Variants in DLG2 observed in about 807,000 individuals in gnomAD.
DLG2 encodes the protein disks large homolog 2.
Under a neutral mutation model 132.5 loss-of-function variants are expected in DLG2, and 45 were observed. The ratio of observed to expected loss-of-function variants is 0.34; its 90% confidence interval spans 0.27 to 0.44. The LOEUF is 0.44. Among genes scored for constraint, DLG2 ranks in the 20% least tolerant of loss-of-function variants. The pLI is 1.00. For missense variants in DLG2, 1,045 were observed against 1,196.9 expected, an observed-to-expected ratio of 0.87 and a Z score of 1.87; for synonymous variants, 424 against 419.6, an observed-to-expected ratio of 1.01 and a Z score of -0.13.
At chr11:83,659,775 TC>T (rs1379543621) in intron 18 of DLG2, among the ~76,000 whole-genome samples, 11 of 152,356 alleles carry the variant, frequency 7.2e-5, no homozygotes, top group African/African-American at 2.6e-4. Context: ...CTTCCTGAAT[TC>T]CCATTTGCAT....
chr11:84,588,621 C>T lies in DLG2; in HGVS notation c.358-53890G>A, dbSNP rs559873573. 3.6e-4 allele frequency among the ~76,000 whole-genome samples: 54 copies of T among 152,090 alleles called. 3 individuals are homozygous for T. The South Asian group carries it at 0.011, about 31-fold the overall frequency. On this transcript the variant is annotated intron_variant, in intron 6 of 27. Transcript: ENST00000376104. ...GCTAAAATGAGGCTAAGACCTGCTG[C>T]GCTGCATTCCCAGTAAGTTAAAGCA...
chr11:83,794,446 T>A (rs1241220582), intron 17 of DLG2, among the ~76,000 whole-genome samples: 1 of 150,436 alleles, frequency 6.6e-6, no homozygotes, highest in East Asian at 2.0e-4. Flanking sequence ...GGTTTTTTTT[T>A]TTTTTTTTTT....
At chr11:85,098,988 C>T (rs2070395865) in intron 6 of DLG2, among the ~76,000 whole-genome samples, 1 of 152,168 alleles carries the variant, frequency 6.6e-6, no homozygotes, top group African/African-American at 2.4e-5. Context: ...GTACATTAAT[C>T]TAGGCTTATA....
intron 4 of DLG2, among the ~76,000 whole-genome samples, chr11:85,237,944 A>T (rs952965473): frequency 6.6e-6 from 1 of 152,072 alleles, no homozygotes; most frequent in Non-Finnish European, 1.5e-5. Flanking sequence ...TGATTTATGC[A>T]TTTGTACAAA....
chr11:85,377,916 C>T (rs1390113712), intron 3 of DLG2, among the ~76,000 whole-genome samples: 2 of 151,078 alleles, frequency 1.3e-5, no homozygotes, highest in Non-Finnish European at 3.0e-5. Context: ...TATATATACA[C>T]ATATTTCAAT....
chr11:85,123,643 G>C (rs2074709986), intron 5 of DLG2, among the ~76,000 whole-genome samples: 1 of 152,114 alleles, frequency 6.6e-6, no homozygotes, highest in Non-Finnish European at 1.5e-5. Flanking sequence ...GGAACTTTCG[G>C]CTTAAATTTA....
At chr11:83,884,778 T>C (rs1442476134) in intron 15 of DLG2, among the ~76,000 whole-genome samples, 1 of 152,162 alleles carries the variant, frequency 6.6e-6, no homozygotes, top group East Asian at 1.9e-4. Flanking sequence ...ACATCAGCAT[T>C]CGCGGTTCAC....
Position 83,811,626 on chromosome 11 carries a change from T to A in DLG2, c.1722+21988A>T, listed in dbSNP as rs531729126. ...ATAATGTTAAAATAAATCTTCCTGG[T>A]TCTTTTTCCCAAAATAGTTTTAGGA... is the stretch of plus-strand genomic sequence containing the variant. On this transcript the variant is annotated intron_variant, in intron 17 of 27. Transcript: ENST00000376104. Among the ~76,000 whole-genome samples the A allele has an allele frequency of 5.9e-5, 9 of 152,276 alleles. No individual in the cohort carries two copies. In the South Asian group the frequency reaches 1.7e-3, roughly 28 times the overall value.
At chr11:85,215,685 C>G (rs2082542022) in intron 4 of DLG2, among the ~76,000 whole-genome samples, 1 of 152,152 alleles carries the variant, frequency 6.6e-6, no homozygotes, top group Non-Finnish European at 1.5e-5. Context: ...TTTGCTACCC[C>G]TAAAAGCCTA....
At chr11:85,012,396 T>C (rs180699520) in intron 6 of DLG2, among the ~76,000 whole-genome samples, 1,559 of 149,804 alleles carry the variant, frequency 0.01, 17 homozygotes, top group Middle Eastern at 0.024. Context: ...TGGTGGTACA[T>C]GCCTGTAGTC....
In DLG2 at chr11:83,786,695, G is replaced by A. The variant is rs2040028914; in HGVS notation, c.1820C>T (p.Pro607Leu). ...TAGTTTGAGTTCTGACTGACCTTCAGGTTGATATTGTGCTATAATCGTCAC... is the reference window on the plus strand; with the variant it reads ...TAGTTTGAGTTCTGACTGACCTTCAAGTTGATATTGTGCTATAATCGTCAC... ...QTVTIIAQYQPEDYARFEAKI... is the reference protein window; with the variant it reads ...QTVTIIAQYQLEDYARFEAKI... The change falls in exon 18 of 28, where the codon CCT becomes CTT. Residue 607 changes from proline (P) to leucine (L), a missense_variant. By Grantham distance (98) the Pro-to-Leu change is moderately conservative. Coordinates refer to ENST00000376104, the MANE Select transcript of DLG2 (RefSeq NM_001142699.3). 1 of 1,613,642 alleles carries A rather than the reference G, an allele frequency of 6.2e-7. No individual in the cohort carries two copies. Among genetic ancestry groups the A allele is most frequent in the Non-Finnish European group, 8.5e-7 (1 of 1,179,632 alleles).
chr11:84,277,164 A>G (rs373612386), intron 7 of DLG2, among the ~76,000 whole-genome samples: 2 of 152,224 alleles, frequency 1.3e-5, no homozygotes, highest in African/African-American at 4.8e-5. Context: ...TAAATAATTA[A>G]TAGAACAAAT....
At chr11:84,821,014 A>G (rs891028833) in intron 6 of DLG2, among the ~76,000 whole-genome samples, 5 of 151,944 alleles carry the variant, frequency 3.3e-5, no homozygotes, top group Non-Finnish European at 5.9e-5. Context: ...TAAATGCAGT[A>G]GATTATAATA....
intron 3 of DLG2, among the ~76,000 whole-genome samples, chr11:85,426,569 G>C (rs961940744): frequency 3.3e-5 from 5 of 150,350 alleles, no homozygotes; most frequent in Admixed American, 2.0e-4. Flanking sequence ...TGAGGGTCCT[G>C]ATTGTTAGAA....
intron 4 of DLG2, among the ~76,000 whole-genome samples, chr11:85,161,642 C>T (rs2078037921): frequency 6.6e-6 from 1 of 152,222 alleles, no homozygotes; most frequent in Non-Finnish European, 1.5e-5. Flanking sequence ...AGCATTGCCT[C>T]TGACCAAGGC....
intron 6 of DLG2, among the ~76,000 whole-genome samples, chr11:84,595,125 T>G (rs1050844407): frequency 2.6e-5 from 4 of 152,086 alleles, no homozygotes; most frequent in African/African-American, 4.8e-5. Flanking sequence ...CTTGAATATA[T>G]AGTTATGGTA....
chr11:84,011,109 CT>C (rs975703775), intron 11 of DLG2, among the ~76,000 whole-genome samples: 1 of 152,002 alleles, frequency 6.6e-6, no homozygotes, highest in Non-Finnish European at 1.5e-5. Context: ...GTTGAGTGAA[CT>C]TAAAAATGTT....
At chr11:85,421,877 G>A (rs915602486) in intron 3 of DLG2, among the ~76,000 whole-genome samples, 1 of 152,046 alleles carries the variant, frequency 6.6e-6, no homozygotes, top group East Asian at 1.9e-4. Flanking sequence ...GCAGTGGTGG[G>A]TCGGTAGTGG....
At chr11:84,720,835 T>C (rs1200325847) in intron 6 of DLG2, 1 of 151,594 alleles carries the variant, frequency 6.6e-6, no homozygotes, top group Admixed American at 6.6e-5. Flanking sequence ...AATTATTCCC[T>C]CTGAAGAAGA....
Sources: gnomAD v4.1 joint callset for allele counts (sites outside exome capture counted in the v4.1 genomes callset) on GRCh38, gnomAD v4.1.1 for gene constraint, MANE v1.5 for transcripts, NCBI Gene and HGNC (gene_info 2026-07-23, HGNC 2026-07-21) for gene names.